Variants in C1orf21 observed in about 807,000 individuals in gnomAD.
The protein encoded by C1orf21 is uncharacterized protein C1orf21.
Under a neutral mutation model 18.7 loss-of-function variants are expected in C1orf21, and 3 were observed. That is an observed-to-expected ratio of 0.16 (90% CI 0.07 to 0.42). The LOEUF (loss-of-function observed/expected upper bound fraction) is 0.42. Among genes scored for constraint, C1orf21 ranks in the 10% least tolerant of loss-of-function variants. C1orf21 has a pLI of 0.99. For synonymous variants in C1orf21, 41 were observed against 46.4 expected (o/e 0.88, Z 0.47); for missense variants, 104 against 143.6 (o/e 0.72, Z 1.41).
intron 1 of C1orf21, among the ~76,000 whole-genome samples, chr1:184,412,698 T>C (rs1656374393): frequency 6.6e-6 from 1 of 152,026 alleles, no homozygotes; most frequent in Non-Finnish European, 1.5e-5. Context: ...ATCCTAGCTG[T>C]TGGGGAGACT....
At chr1:184,399,422 C>T (rs1479922838) in intron 1 of C1orf21, among the ~76,000 whole-genome samples, 1 of 134,084 alleles carries the variant, frequency 7.5e-6, no homozygotes, top group African/African-American at 2.8e-5. Context: ...GAGTGTAATG[C>T]TGTGATCTCG....
At chr1:184,509,936 C>A (rs569001104) in intron 3 of C1orf21, among the ~76,000 whole-genome samples, 4 of 152,278 alleles carry the variant, frequency 2.6e-5, no homozygotes, top group African/African-American at 9.6e-5. Flanking sequence ...TTTCTCTAAA[C>A]CTCCCACCCA....
At chr1:184,481,342 G>A (rs1409050693) in intron 2 of C1orf21, among the ~76,000 whole-genome samples, 1 of 152,068 alleles carries the variant, frequency 6.6e-6, no homozygotes, top group African/African-American at 2.4e-5. Context: ...GCAAGCTAGT[G>A]GGGGCATGAT....
intron 1 of C1orf21, among the ~76,000 whole-genome samples, chr1:184,411,416 CTTTTTT>C (rs1199251450): frequency 1.0e-5 from 1 of 95,678 alleles, no homozygotes; most frequent in Admixed American, 1.3e-4. Flanking sequence ...TGGGTATTTC[CTTTTTT>C]TTTTTTTTTT....
chr1:184,551,385 T>G (rs1658810120), intron 3 of C1orf21, among the ~76,000 whole-genome samples: 1 of 152,082 alleles, frequency 6.6e-6, no homozygotes, highest in African/African-American at 2.4e-5. Context: ...TAAATTTGAG[T>G]GTGAGGAACA....
At chr1:184,552,502 G>A (rs1179983844) in intron 3 of C1orf21, among the ~76,000 whole-genome samples, 1 of 152,188 alleles carries the variant, frequency 6.6e-6, no homozygotes, top group Non-Finnish European at 1.5e-5. Context: ...CTTTCTGGAT[G>A]AAGATATTGC....
chr1:184,410,898 C>A (rs1021400712), intron 1 of C1orf21, among the ~76,000 whole-genome samples: 2 of 150,418 alleles, frequency 1.3e-5, no homozygotes, highest in Non-Finnish European at 3.0e-5. Flanking sequence ...ATGATACACC[C>A]GCCTTGGCCT....
intron 1 of C1orf21, among the ~76,000 whole-genome samples, chr1:184,404,554 T>A (rs1656215633): frequency 6.6e-6 from 1 of 152,160 alleles, no homozygotes; most frequent in Admixed American, 6.5e-5. Context: ...GCACCAATTC[T>A]ACCCATGAGA....
In C1orf21 at chr1:184,622,494, C is replaced by A. The variant is rs1403845871; in HGVS notation, c.*2938C>A. 1.3e-5 allele frequency: 2 copies of A among 152,720 alleles called. No individual in the cohort carries two copies. The highest frequency in any genetic ancestry group is 2.4e-5 in the African/African-American group (1 of 41,452). The allele number at this position is 152,720 out of a possible 1,614,324, so 9.5% of individuals were successfully genotyped here. A position where few individuals can be genotyped will look rare whatever the true frequency, so the allele number is the denominator to read the frequency against. ...AGAGATTCAGGATCATGGAGTACTG[C>A]TCTCATAATTGAAGACGTGTTTGTT... On this transcript the variant is annotated 3_prime_UTR_variant, in exon 6 of 6. Coordinates refer to ENST00000235307, the MANE Select transcript of C1orf21 (RefSeq NM_030806.4).
At chr1:184,414,260 A>T (rs1656410897) in intron 1 of C1orf21, among the ~76,000 whole-genome samples, 1 of 152,114 alleles carries the variant, frequency 6.6e-6, no homozygotes. Context: ...CCTCCCAAGT[A>T]GCTGGGACCA....
At chr1:184,410,898 C>T (rs1021400712) in intron 1 of C1orf21, among the ~76,000 whole-genome samples, 23 of 150,418 alleles carry the variant, frequency 1.5e-4, no homozygotes, top group African/African-American at 5.4e-4. Context: ...ATGATACACC[C>T]GCCTTGGCCT....
At chr1:184,414,428 G>A (rs1352451811) in intron 1 of C1orf21, among the ~76,000 whole-genome samples, 2 of 152,050 alleles carry the variant, frequency 1.3e-5, no homozygotes, top group African/African-American at 4.8e-5. Context: ...ATGCTCGGCC[G>A]GATTTGATTT....
chr1:184,449,775 T>C (rs1291598647), intron 1 of C1orf21, among the ~76,000 whole-genome samples: 1 of 152,198 alleles, frequency 6.6e-6, no homozygotes. Context: ...CTATGTGTAA[T>C]ATATTTATAA....
Position 184,416,171 on chromosome 1 carries a change from G to T in C1orf21, c.-125+28803G>T, listed in dbSNP as rs1656448306. On this transcript the variant is annotated intron_variant, in intron 1 of 5. Coordinates refer to ENST00000235307, the MANE Select transcript of C1orf21 (RefSeq NM_030806.4). ...AATATCTCTTTCTTCACTAGTATTT[G>T]CTCCATAAATGTTTTTTTTGGATGA... Among the ~76,000 whole-genome samples the T allele has an allele frequency of 2.6e-5, 4 of 152,048 alleles. No individual in the cohort carries two copies. In the South Asian group the frequency reaches 8.3e-4, roughly 32 times the overall value.
intron 1 of C1orf21, among the ~76,000 whole-genome samples, chr1:184,407,155 T>A (rs1419372091): frequency 6.6e-6 from 1 of 152,112 alleles, no homozygotes; most frequent in Non-Finnish European, 1.5e-5. Context: ...TAAAAAAAAA[T>A]TTAGAGACAG....
At chr1:184,531,628 A>G (rs1166269217) in intron 3 of C1orf21, among the ~76,000 whole-genome samples, 1 of 152,138 alleles carries the variant, frequency 6.6e-6, no homozygotes, top group Non-Finnish European at 1.5e-5. Context: ...TTTGGGCTAC[A>G]TAACTTTCTC....
At position 184,460,132 on chromosome 1, in the gene C1orf21, T is replaced by C. The variant is rs78464653; in HGVS notation, c.-124-17254T>C. Among the ~76,000 whole-genome samples the C allele has an allele frequency of 8.7e-4, 132 of 152,314 alleles. No homozygotes were observed. In the East Asian group the frequency reaches 0.013, roughly 15 times the overall value. ...TTGGTGGCAAATTGGAAATCATCACTGCTTTTCTGTAGACATTTAGCCGCA... is the reference window on the plus strand; with the variant it reads ...TTGGTGGCAAATTGGAAATCATCACCGCTTTTCTGTAGACATTTAGCCGCA... On this transcript the variant is annotated intron_variant, in intron 1 of 5. Transcript: ENST00000235307.
chr1:184,450,605 A>G (rs182145634), intron 1 of C1orf21, among the ~76,000 whole-genome samples: 116 of 152,310 alleles, frequency 7.6e-4, no homozygotes, highest in African/African-American at 2.7e-3. Context: ...ACATATATAC[A>G]TGCATAGCCA....
chr1:184,590,102 A>C (rs1659415810), intron 3 of C1orf21, among the ~76,000 whole-genome samples: 1 of 152,194 alleles, frequency 6.6e-6, no homozygotes, highest in Middle Eastern at 3.2e-3. Context: ...TATTGAGATC[A>C]TGTCCTTACT....
Sources: gnomAD v4.1 joint callset for allele counts (sites outside exome capture counted in the v4.1 genomes callset) on GRCh38, gnomAD v4.1.1 for gene constraint, MANE v1.5 for transcripts, NCBI Gene and HGNC (gene_info 2026-07-23, HGNC 2026-07-21) for gene names.